Variants in KCNG3 observed in about 807,000 individuals in gnomAD.
The protein encoded by KCNG3 is potassium voltage-gated channel modifier subfamily G member 3, also known as voltage-gated potassium channel regulatory subunit KCNG3.
KCNG3 carries 15 observed loss-of-function variants against 29.0 expected under a neutral mutation model. That is an observed-to-expected ratio of 0.52 (90% confidence interval 0.35 to 0.80). The LOEUF (loss-of-function observed/expected upper bound fraction) is 0.80, where lower values mean the gene tolerates loss of function less well. Among genes scored for constraint, KCNG3 ranks in the 30% least tolerant of loss-of-function variants. The probability of loss-of-function intolerance (pLI) is 0.01; values close to 1 mark genes in which losing one functional copy is unlikely to be tolerated. For missense variants in KCNG3, 512 were observed against 605.7 expected, an observed-to-expected ratio of 0.85 and a Z score of 1.62; for synonymous variants, 322 against 248.9, an observed-to-expected ratio of 1.29 and a Z score of -2.76.
chr2:42,471,735 G>A (rs767562138), intron 1 of KCNG3, among the ~76,000 whole-genome samples: 9 of 151,746 alleles, frequency 5.9e-5, no homozygotes, highest in Admixed American at 1.3e-4. Flanking sequence ...AGCCAGACAT[G>A]AGGCTGGGTA....
At chr2:42,463,449 G>A (rs765438538) in intron 1 of KCNG3, 11 of 161,254 alleles carry the variant, frequency 6.8e-5, no homozygotes, top group Non-Finnish European at 1.1e-4. Context: ...ACTCTGCCCC[G>A]TCATTCACAT....
At chr2:42,406,224 A>AT in the KCNG3 span, among the ~76,000 whole-genome samples, 680 of 145,704 alleles carry the variant, frequency 4.7e-3, 2 homozygotes, top group African/African-American at 0.013. Flanking sequence ...TAACACATTA[A>AT]TTTTTTTTTT....
chr2:42,452,061 A>G (rs1358403144), intron 1 of KCNG3, among the ~76,000 whole-genome samples: 1 of 152,010 alleles, frequency 6.6e-6, no homozygotes. Flanking sequence ...AACAAAAAAA[A>G]TCAACCCAAC....
the KCNG3 span, among the ~76,000 whole-genome samples, chr2:42,425,307 G>A: frequency 1.2e-4 from 18 of 149,766 alleles, no homozygotes; most frequent in East Asian, 2.0e-4. Context: ...GCTGAGGCAC[G>A]AGAATCGCTT....
chr2:42,467,022 G>A (rs1673158767), intron 1 of KCNG3, among the ~76,000 whole-genome samples: 1 of 151,812 alleles, frequency 6.6e-6, no homozygotes, highest in Non-Finnish European at 1.5e-5. Flanking sequence ...CAAAGTGCTG[G>A]GATTATAGGC....
downstream of KCNG3, among the ~76,000 whole-genome samples, chr2:42,439,584 C>T (rs984156760): frequency 3.8e-5 from 5 of 131,918 alleles, no homozygotes; most frequent in Admixed American, 1.6e-4. Context: ...TTAATTCAAA[C>T]GTTAAAAAAA....
At chr2:42,400,793 T>C in the KCNG3 span, among the ~76,000 whole-genome samples, 1 of 152,156 alleles carries the variant, frequency 6.6e-6, no homozygotes, top group Non-Finnish European at 1.5e-5. Context: ...GGTTTTTTTT[T>C]TCCCCTATGG....
chr2:42,469,582 C>T (rs181862895), intron 1 of KCNG3, among the ~76,000 whole-genome samples: 9 of 152,032 alleles, frequency 5.9e-5, no homozygotes, highest in African/African-American at 2.2e-4. Context: ...AAATTCCTCA[C>T]ATAAATAATA....
chr2:42,420,095 G>T, the KCNG3 span, among the ~76,000 whole-genome samples: 1 of 152,036 alleles, frequency 6.6e-6, no homozygotes, highest in Non-Finnish European at 1.5e-5. Context: ...ATGGTGGCGG[G>T]CCCCTATAAT....
intron 1 of KCNG3, among the ~76,000 whole-genome samples, chr2:42,467,000 G>A (rs931373147): frequency 2.6e-5 from 4 of 151,938 alleles, no homozygotes; most frequent in South Asian, 4.2e-4. Context: ...TGATCCGCCC[G>A]CCTCGGCCTC....
chr2:42,417,926 C>T, the KCNG3 span, among the ~76,000 whole-genome samples: 10 of 151,526 alleles, frequency 6.6e-5, no homozygotes, highest in South Asian at 2.1e-4. Context: ...GAGCTGAGAT[C>T]GCGCCACTGC....
chr2:42,410,762 G>C, the KCNG3 span, among the ~76,000 whole-genome samples: 1 of 152,026 alleles, frequency 6.6e-6, no homozygotes, highest in Non-Finnish European at 1.5e-5. Flanking sequence ...GTAGTTCCAA[G>C]TTGTTTTTCT....
chr2:42,469,027 T>C (rs1673217098), intron 1 of KCNG3, among the ~76,000 whole-genome samples: 1 of 149,212 alleles, frequency 6.7e-6, no homozygotes, highest in Non-Finnish European at 1.5e-5. Context: ...AATTTTAGTG[T>C]AATGTGATCA....
chr2:42,469,627 A>C (rs1173845966), intron 1 of KCNG3, among the ~76,000 whole-genome samples: 1 of 152,106 alleles, frequency 6.6e-6, no homozygotes, highest in Admixed American at 6.5e-5. Flanking sequence ...GAAATGTAAA[A>C]GTTAAGTAAA....
downstream of KCNG3, among the ~76,000 whole-genome samples, chr2:42,440,764 A>C (rs1354701219): frequency 6.6e-6 from 1 of 152,226 alleles, no homozygotes; most frequent in African/African-American, 2.4e-5. Flanking sequence ...CAATACAGTA[A>C]TGAAAGCCTT....
the KCNG3 span, among the ~76,000 whole-genome samples, chr2:42,401,146 A>ATACATATTTT: frequency 6.7e-6 from 1 of 149,826 alleles, no homozygotes; most frequent in Non-Finnish European, 1.5e-5. Flanking sequence ...TATATTATAT[A>ATACATATTTT]TACATATTTT....
the KCNG3 span, among the ~76,000 whole-genome samples, chr2:42,416,755 T>C: frequency 6.6e-6 from 1 of 151,050 alleles, no homozygotes; most frequent in South Asian, 2.1e-4. Context: ...TAGGCAGACG[T>C]TGCAGCGAGC....
At chr2:42,461,353 T>A (rs1325454950) in intron 1 of KCNG3, among the ~76,000 whole-genome samples, 1 of 152,036 alleles carries the variant, frequency 6.6e-6, no homozygotes, top group Non-Finnish European at 1.5e-5. Flanking sequence ...CAGAGGTGTT[T>A]CTGTGTGCGC....
chr2:42,481,563 T>C (rs1043128842), intron 1 of KCNG3, among the ~76,000 whole-genome samples: 1 of 152,126 alleles, frequency 6.6e-6, no homozygotes, highest in Non-Finnish European at 1.5e-5. Flanking sequence ...CACATTCAGA[T>C]ATAAATCCAA....
Sources: gnomAD v4.1 joint callset for allele counts (sites outside exome capture counted in the v4.1 genomes callset) on GRCh38, gnomAD v4.1.1 for gene constraint, MANE v1.5 for transcripts, NCBI Gene and HGNC (gene_info 2026-07-23, HGNC 2026-07-21) for gene names.